The following KCNB2 variants were observed in gnomAD, a reference collection of about 807,000 sequenced individuals.
KCNB2 encodes delayed rectifier potassium channel protein.
In KCNB2, 15 loss-of-function variants were observed where a neutral mutation model predicts 61.5. The observed-to-expected ratio is 0.24, with a 90% CI of 0.16 to 0.38. The LOEUF (loss-of-function observed/expected upper bound fraction) is 0.38. KCNB2 is among the 10% of genes least tolerant of loss of function. The probability of loss-of-function intolerance (pLI) is 1.00; values close to 1 mark genes in which losing one functional copy is unlikely to be tolerated. For synonymous variants in KCNB2, 457 were observed against 446.0 expected, an observed-to-expected ratio of 1.02 and a Z score of -0.31; for missense variants, 828 against 1,125.2, an observed-to-expected ratio of 0.74 and a Z score of 3.78.
intron 1 of KCNB2, among the ~76,000 whole-genome samples, chr8:72,545,192 A>G (rs1248499324): frequency 1.3e-5 from 2 of 152,198 alleles, no homozygotes; most frequent in African/African-American, 4.8e-5. Flanking sequence ...GCCACCATTT[A>G]GTCTGGATAT....
chr8:72,721,844 A>G (rs1807554482), intron 2 of KCNB2, among the ~76,000 whole-genome samples: 1 of 152,196 alleles, frequency 6.6e-6, no homozygotes, highest in South Asian at 2.1e-4. Flanking sequence ...ACTTGAACCA[A>G]TGGTTTCTGT....
At chr8:72,864,188 G>A (rs1210988228) in intron 2 of KCNB2, among the ~76,000 whole-genome samples, 2 of 152,072 alleles carry the variant, frequency 1.3e-5, no homozygotes, top group Admixed American at 6.5e-5. Flanking sequence ...ACTGTGTGGT[G>A]GCCAAGGCAA....
chr8:72,886,724 G>A (rs899062132), intron 2 of KCNB2, among the ~76,000 whole-genome samples: 1 of 152,228 alleles, frequency 6.6e-6, no homozygotes, highest in African/African-American at 2.4e-5. Flanking sequence ...GACGTTCACA[G>A]TCCAGACTCT....
intron 2 of KCNB2, among the ~76,000 whole-genome samples, chr8:72,627,336 C>A (rs550902661): frequency 6.6e-6 from 1 of 152,260 alleles, no homozygotes; most frequent in South Asian, 2.1e-4. Flanking sequence ...ATATTAAGAA[C>A]ACTTTCTGGA....
At chr8:72,621,001 AT>A in intron 2 of KCNB2, among the ~76,000 whole-genome samples, 1 of 152,128 alleles carries the variant, frequency 6.6e-6, no homozygotes, top group East Asian at 1.9e-4. Flanking sequence ...CTTTCTGAGA[AT>A]TTTTTGTTTT....
intron 2 of KCNB2, among the ~76,000 whole-genome samples, chr8:72,770,061 A>G (rs1486894393): frequency 6.6e-6 from 1 of 152,232 alleles, no homozygotes. Context: ...TTGGAGAGTC[A>G]GTCCCCATAT....
At position 72,757,242 on chromosome 8, in the gene KCNB2, T is replaced by C. The variant is rs1439395747; in HGVS notation, c.580-178693T>C. ...GAGAACTCAGCAGGTCCAATGCTGCTGCTAGATCCAGTATGGTGTCTATTG... is the reference window on the plus strand; with the variant it reads ...GAGAACTCAGCAGGTCCAATGCTGCCGCTAGATCCAGTATGGTGTCTATTG... On this transcript the variant is annotated intron_variant, in intron 2 of 2. Transcript: ENST00000523207. Among the ~76,000 whole-genome samples, 8 of 152,252 alleles carry C rather than the reference T, an allele frequency of 5.3e-5. No homozygotes were observed. In the South Asian group the frequency reaches 8.3e-4, roughly 16 times the overall value.
At chr8:72,746,023 T>C (rs2253047) in intron 2 of KCNB2, among the ~76,000 whole-genome samples, 50,896 of 152,094 alleles carry the variant, frequency 0.33, 9,011 homozygotes, top group African/African-American at 0.43. Context: ...TTGTAATCAA[T>C]TATCTGTTCT....
intron 2 of KCNB2, among the ~76,000 whole-genome samples, chr8:72,787,279 A>G (rs949653804): frequency 6.6e-6 from 1 of 151,910 alleles, no homozygotes; most frequent in Non-Finnish European, 1.5e-5. Context: ...CACCTGTACT[A>G]GATACTTGGG....
intron 2 of KCNB2, among the ~76,000 whole-genome samples, chr8:72,725,547 A>ATATG (rs1807623945): frequency 1.9e-5 from 2 of 106,146 alleles, no homozygotes; most frequent in Admixed American, 1.1e-4. Context: ...ATATGTGTGT[A>ATATG]TATATATATG....
chr8:72,931,116 G>A (rs945500873), intron 2 of KCNB2, among the ~76,000 whole-genome samples: 1 of 152,104 alleles, frequency 6.6e-6, no homozygotes, highest in African/African-American at 2.4e-5. Flanking sequence ...GTAGATGTGT[G>A]GTATTATTTC....
chr8:72,832,655 G>T (rs919651937), intron 2 of KCNB2, among the ~76,000 whole-genome samples: 12 of 152,188 alleles, frequency 7.9e-5, no homozygotes, highest in Admixed American at 5.9e-4. Flanking sequence ...GCATGCCACA[G>T]TTCCACAGAT....
chr8:72,665,258 G>A (rs1806448644), intron 2 of KCNB2, among the ~76,000 whole-genome samples: 1 of 152,178 alleles, frequency 6.6e-6, no homozygotes, highest in Non-Finnish European at 1.5e-5. Context: ...TTGCTGGAGG[G>A]ATGGTGAGAG....
intron 2 of KCNB2, among the ~76,000 whole-genome samples, chr8:72,762,177 C>T (rs1397718546): frequency 6.6e-6 from 1 of 152,200 alleles, no homozygotes; most frequent in Non-Finnish European, 1.5e-5. Context: ...AAACCCATTT[C>T]AAGTTACCAC....
Position 72,856,799 on chromosome 8 carries a change from A to C in KCNB2, c.580-79136A>C, listed in dbSNP as rs543442280. Among the ~76,000 whole-genome samples, 28 of 152,292 alleles carry C rather than the reference A, an allele frequency of 1.8e-4. 1 individual carries two copies. The South Asian group carries it at 5.6e-3, about 31-fold the overall frequency. On this transcript the variant is annotated intron_variant, in intron 2 of 2. Transcript: ENST00000523207. ...TGTATTACGGAAGAAAAAAGCCAAC[A>C]ACTGGAATACTGTTGCCTAGGAACA... is the stretch of plus-strand genomic sequence containing the variant.
At chr8:72,764,072 A>T (rs1328946555) in intron 2 of KCNB2, among the ~76,000 whole-genome samples, 1 of 152,142 alleles carries the variant, frequency 6.6e-6, no homozygotes, top group African/African-American at 2.4e-5. Flanking sequence ...GTAACCAACA[A>T]CCACTGAGAT....
At chr8:72,550,636 G>A (rs1468007654) in intron 1 of KCNB2, among the ~76,000 whole-genome samples, 1 of 152,126 alleles carries the variant, frequency 6.6e-6, no homozygotes, top group Non-Finnish European at 1.5e-5. Context: ...TCTGCTTCTG[G>A]TCACCTAGTT....
At chr8:72,791,699 G>A (rs1400609294) in intron 2 of KCNB2, among the ~76,000 whole-genome samples, 1 of 152,160 alleles carries the variant, frequency 6.6e-6, no homozygotes, top group Non-Finnish European at 1.5e-5. Context: ...CAAACTGAAA[G>A]GCCACCTCTC....
At chr8:72,554,263 T>C (rs1806387571) in intron 1 of KCNB2, among the ~76,000 whole-genome samples, 1 of 152,136 alleles carries the variant, frequency 6.6e-6, no homozygotes, top group African/African-American at 2.4e-5. Flanking sequence ...CCATGCTCGA[T>C]ATATAGTGAC....
Sources: allele counts gnomAD v4.1 joint callset (sites outside exome capture counted in the v4.1 genomes callset), GRCh38; gene constraint gnomAD v4.1.1; transcripts MANE v1.5; gene names NCBI Gene and HGNC (gene_info 2026-07-23, HGNC 2026-07-21).